The following RARB variants were observed in gnomAD, a reference collection of about 807,000 sequenced individuals.
RARB encodes HBV-activated protein.
RARB carries 17 observed loss-of-function variants against 51.9 expected under a neutral mutation model. That is an observed-to-expected ratio of 0.33 (90% CI 0.22 to 0.49). The LOEUF (loss-of-function observed/expected upper bound fraction) is 0.49, where lower values mean the gene tolerates loss of function less well. Ranked by LOEUF, RARB falls within the 20% of genes least tolerant of loss-of-function variation. RARB has a pLI of 0.99. For synonymous variants in RARB, 215 were observed against 195.4 expected (o/e 1.10, Z -0.84); for missense variants, 369 against 550.8 (o/e 0.67, Z 3.30).
At chr3:25,495,250 A>G (rs1696966745) in intron 2 of RARB, among the ~76,000 whole-genome samples, 2 of 152,222 alleles carry the variant, frequency 1.3e-5, no homozygotes, top group South Asian at 2.1e-4. Context: ...GTATCAGAGG[A>G]GGGAAGATGG....
intron 5 of RARB, among the ~76,000 whole-genome samples, chr3:25,358,600 G>A (rs1294948335): frequency 6.6e-6 from 1 of 152,206 alleles, no homozygotes; most frequent in Non-Finnish European, 1.5e-5. Context: ...CATTCAGTAT[G>A]ATATTGGCTG....
intron 1 of RARB, among the ~76,000 whole-genome samples, chr3:24,843,699 A>G (rs1411225192): frequency 6.6e-6 from 1 of 152,170 alleles, no homozygotes; most frequent in Non-Finnish European, 1.5e-5. Flanking sequence ...CCCATCAGGA[A>G]TGCAGAACTA....
chr3:24,971,189 C>G (rs1203578071), intron 2 of RARB, among the ~76,000 whole-genome samples: 1 of 151,868 alleles, frequency 6.6e-6, no homozygotes, highest in Admixed American at 6.6e-5. Flanking sequence ...CCAATTGTCT[C>G]CATGCATTAT....
chr3:25,592,167 C>G (rs915609156), intron 5 of RARB, among the ~76,000 whole-genome samples: 25 of 152,186 alleles, frequency 1.6e-4, no homozygotes, highest in Non-Finnish European at 1.5e-5. Flanking sequence ...CCTGTGTCTT[C>G]CTCAGAGGCC....
chr3:25,205,082 G>C lies in RARB; in HGVS notation c.178+30507G>C, dbSNP rs145749594. ...CTGTGGTGGGCTCTACCCGGTTCGA[G>C]CTTCCTGGCTGCTTTGGTTACCTAC... On this transcript the variant is annotated intron_variant, in intron 5 of 11. Transcript: ENST00000383772. Among the ~76,000 whole-genome samples, 601 of 152,290 alleles carry C rather than the reference G, an allele frequency of 3.9e-3. 10 individuals carry two copies. Among genetic ancestry groups the C allele is most frequent in the East Asian group, 0.029 (152 of 5,160 alleles).
At chr3:25,003,187 C>G (rs563114285) in intron 2 of RARB, among the ~76,000 whole-genome samples, 7 of 128,900 alleles carry the variant, frequency 5.4e-5, no homozygotes, top group African/African-American at 2.3e-4. Context: ...GGCAAAAGAT[C>G]ATAATGCAAA....
At chr3:25,177,003 G>A (rs1435338982) in intron 5 of RARB, among the ~76,000 whole-genome samples, 3 of 152,208 alleles carry the variant, frequency 2.0e-5, no homozygotes, top group Non-Finnish European at 4.4e-5. Flanking sequence ...AGAGTGCTAA[G>A]TAACTGCACC....
intron 2 of RARB, among the ~76,000 whole-genome samples, chr3:25,463,061 G>A (rs910396094): frequency 6.6e-6 from 1 of 151,988 alleles, no homozygotes; most frequent in Non-Finnish European, 1.5e-5. Flanking sequence ...TGTAGAGATG[G>A]GGGTCTCACG....
chr3:24,924,150 A>G lies in RARB; in HGVS notation c.-380+65398A>G, dbSNP rs533958069. Among the ~76,000 whole-genome samples the G allele has an allele frequency of 3.9e-5, 6 of 152,160 alleles. No individual in the cohort carries two copies. In the East Asian group the frequency reaches 9.7e-4, roughly 25 times the overall value. On this transcript the variant is annotated intron_variant, in intron 2 of 11. Transcript: ENST00000383772. ...CCAGAAATAAACTCTCTATTTTTGTAGGAGTTTGGAATCGGCTTCTTAACA... is the reference window on the plus strand; with the variant it reads ...CCAGAAATAAACTCTCTATTTTTGTGGGAGTTTGGAATCGGCTTCTTAACA...
chr3:25,531,777 A>G (rs1038865477), intron 3 of RARB, among the ~76,000 whole-genome samples: 1 of 151,692 alleles, frequency 6.6e-6, no homozygotes, highest in South Asian at 2.1e-4. Flanking sequence ...AATTATAAAA[A>G]TTTTGTGTCA....
chr3:25,157,374 G>GTA (rs201109968), intron 4 of RARB, among the ~76,000 whole-genome samples: 12,159 of 114,964 alleles, frequency 0.11, 644 homozygotes, highest in Non-Finnish European at 0.15. Flanking sequence ...GTGTGTGTGT[G>GTA]TGTGTGTATA....
At chr3:25,088,942 G>A (rs1464514015) in intron 3 of RARB, among the ~76,000 whole-genome samples, 4 of 151,930 alleles carry the variant, frequency 2.6e-5, no homozygotes, top group Non-Finnish European at 5.9e-5. Context: ...AATGTAGCTT[G>A]CAGAACCTGT....
At chr3:25,189,425 T>C (rs1204721990) in intron 5 of RARB, among the ~76,000 whole-genome samples, 1 of 152,154 alleles carries the variant, frequency 6.6e-6, no homozygotes, top group African/African-American at 2.4e-5. Context: ...GACAAGGACC[T>C]GAGGAGCCAA....
chr3:25,271,292 G>A (rs1011098230), intron 5 of RARB, among the ~76,000 whole-genome samples: 12 of 152,144 alleles, frequency 7.9e-5, no homozygotes, highest in African/African-American at 2.2e-4. Context: ...GGCATGCTAT[G>A]GTTTTTCATA....
intron 5 of RARB, among the ~76,000 whole-genome samples, chr3:25,417,019 A>G (rs985678745): frequency 6.6e-6 from 1 of 152,140 alleles, no homozygotes; most frequent in African/African-American, 2.4e-5. Context: ...TCAACTTCAT[A>G]TATTTGAAGA....
intron 4 of RARB, among the ~76,000 whole-genome samples, chr3:25,170,740 G>A (rs1363449125): frequency 6.6e-6 from 1 of 152,032 alleles, no homozygotes; most frequent in African/African-American, 2.4e-5. Context: ...AAAAATAATT[G>A]TGGAATTGAT....
chr3:25,404,928 G>A (rs1229035372), intron 5 of RARB, among the ~76,000 whole-genome samples: 1 of 151,910 alleles, frequency 6.6e-6, no homozygotes, highest in Non-Finnish European at 1.5e-5. Context: ...TGCCCAATCA[G>A]CATTTATTCT....
At chr3:25,362,156 G>T (rs1705961264) in intron 5 of RARB, among the ~76,000 whole-genome samples, 1 of 152,182 alleles carries the variant, frequency 6.6e-6, no homozygotes, top group Non-Finnish European at 1.5e-5. Flanking sequence ...CCTGTCTGGG[G>T]CTGCTGCCTT....
At chr3:25,288,648 T>C (rs1159209928) in intron 5 of RARB, among the ~76,000 whole-genome samples, 1 of 152,168 alleles carries the variant, frequency 6.6e-6, no homozygotes, top group African/African-American at 2.4e-5. Context: ...GATGCTTCCA[T>C]TCTTGATCAT....
Sources: allele counts gnomAD v4.1 joint callset (sites outside exome capture counted in the v4.1 genomes callset), GRCh38; gene constraint gnomAD v4.1.1; transcripts MANE v1.5; gene names NCBI Gene and HGNC (gene_info 2026-07-23, HGNC 2026-07-21).